Variants in TTYH1 observed in about 807,000 individuals in gnomAD.
TTYH1 encodes the protein tweety family member 1.
A neutral mutation model predicts 61.2 loss-of-function variants in TTYH1; 33 were observed. That is an observed-to-expected ratio of 0.54 (90% CI 0.41 to 0.72). The LOEUF is 0.72. Among genes scored for constraint, TTYH1 ranks in the 30% least tolerant of loss-of-function variants. The pLI is 0.00. For synonymous variants in TTYH1, 308 were observed against 266.4 expected, an observed-to-expected ratio of 1.16 and a Z score of -1.52; for missense variants, 538 against 575.8, an observed-to-expected ratio of 0.93 and a Z score of 0.67.
chr19:54,423,205 T>C (rs2122886194), intron 4 of TTYH1, among the ~76,000 whole-genome samples: 1 of 147,622 alleles, frequency 6.8e-6, no homozygotes, highest in Non-Finnish European at 1.5e-5. Flanking sequence ...ACTATTTTTT[T>C]TTTTTTTTTT....
At position 54,422,387 on chromosome 19, in the gene TTYH1, T is replaced by G. The variant is rs2083237651; in HGVS notation, c.615T>G (p.Asn205Lys). 6 of 1,568,336 alleles carry G rather than the reference T, an allele frequency of 3.8e-6. No individual in the cohort carries two copies. In the Admixed American group the frequency reaches 5.7e-5, roughly 15 times the overall value. The change falls in exon 4 of 14, where the codon AAT (asparagine) becomes AAG (lysine). Residue 205 changes from asparagine (N) to lysine (K), a missense_variant. Physicochemically the swap from Asn to Lys is moderately conservative, Grantham distance 94. Coordinates refer to ENST00000376530, the MANE Select transcript of TTYH1 (RefSeq NM_020659.4). Reference sequence around the variant, plus strand: ...TGAGCCCCCTGCAGGTGGCTGAAAATGTGTCCTTTGTGGAGGAGTACAGGT... The same window carrying G: ...TGAGCCCCCTGCAGGTGGCTGAAAAGGTGTCCTTTGTGGAGGAGTACAGGT... Reference protein sequence around the residue: ...VPLSPLQVAENVSFVEEYRWL... With the variant: ...VPLSPLQVAEKVSFVEEYRWL...
chr19:54,434,245 G>GCAGC lies in TTYH1; in HGVS notation c.1126-1285_1126-1282dup, dbSNP rs1168729261. ...CCTACCCCCGTCTGTCCTCCATGCA[G>GCAGC]CAGCCAGCCAGCCAGGTGATCCTTT... is the stretch of plus-strand genomic sequence containing the variant. On this transcript the variant is annotated intron_variant, in intron 10 of 13. Coordinates refer to ENST00000376530, the MANE Select transcript of TTYH1 (RefSeq NM_020659.4). The surrounding 1 kb of genome is among the most constrained non-coding windows in gnomAD (Gnocchi z 4.3). 1 of 152,470 alleles carries GCAGC rather than the reference G, an allele frequency of 6.6e-6. No individual in the cohort carries two copies. The highest frequency in any genetic ancestry group is 1.5e-5 in the Non-Finnish European group (1 of 68,398). The allele number at this position is 152,470 out of a possible 1,614,324, so 9.4% of individuals were successfully genotyped here.
rs908184693 is a variant in TTYH1 at position 54,429,478 on chromosome 19, T to C, written c.807+99T>C. 13 of 1,126,256 alleles carry C rather than the reference T, an allele frequency of 1.2e-5. No homozygotes were observed. The highest frequency in any genetic ancestry group is 1.1e-4 in the Admixed American group (6 of 54,866). The allele number at this position is 1,126,256 out of a possible 1,614,324, so 69.8% of individuals were successfully genotyped here. On this transcript the variant is annotated intron_variant, in intron 6 of 13. Coordinates refer to ENST00000376530, the MANE Select transcript of TTYH1 (RefSeq NM_020659.4). This position sits in a 1 kb window ranked among gnomAD's most constrained non-coding sequence, Gnocchi z 5.1. ...TGGCATGGCTTAGTAGAGAAAGGAA[T>C]TGGGGGGCACGATCACAGCTCTGAG...
chr19:54,423,828 A>C (rs1431460564), intron 4 of TTYH1, among the ~76,000 whole-genome samples: 1 of 152,144 alleles, frequency 6.6e-6, no homozygotes, highest in African/African-American at 2.4e-5. Flanking sequence ...AAACGCAGAG[A>C]AAAACATTGT....
Position 54,421,205 on chromosome 19 carries a change from G to A in TTYH1, c.306-72G>A. 1.1e-6 allele frequency: 1 copy of A among 943,344 alleles called. No homozygotes were observed. The allele number at this position is 943,344 out of a possible 1,614,324, so 58.4% of individuals were successfully genotyped here. A position where few individuals can be genotyped will look rare whatever the true frequency, so the allele number is the denominator to read the frequency against. On this transcript the variant is annotated intron_variant, in intron 2 of 13. Coordinates refer to ENST00000376530, the MANE Select transcript of TTYH1 (RefSeq NM_020659.4). The surrounding 1 kb of genome is among the most constrained non-coding windows in gnomAD (Gnocchi z 4.8). Reference sequence around the variant, plus strand: ...GATAAGAAGGCGAGGTGGAGGGGATGGGGTGGGAGGGGACGGTGGCCCCCG... The same window carrying A: ...GATAAGAAGGCGAGGTGGAGGGGATAGGGTGGGAGGGGACGGTGGCCCCCG...
chr19:54,436,309 C>T lies in TTYH1; in HGVS notation c.*43-24C>T. The T allele has an allele frequency of 6.2e-7, 1 of 1,614,078 alleles. No homozygotes were observed. Among genetic ancestry groups the T allele is most frequent in the Non-Finnish European group, 8.5e-7 (1 of 1,179,994 alleles). ...GCAGGCCCTCCAGCCTGCATCACTG[C>T]CCTGTCTCTCCCTCTCTCCGCAGTT... On this transcript the variant is annotated intron_variant, in intron 13 of 13. Transcript: ENST00000376530. The surrounding 1 kb of genome is among the most constrained non-coding windows in gnomAD (Gnocchi z 4.3).
intron 10 of TTYH1, chr19:54,431,466 T>G (rs1433918327): frequency 2.2e-6 from 1 of 461,954 alleles, no homozygotes. Context: ...ACCCTCCCCG[T>G]CCCTTCCTGC....
rs2083080425 is a variant in TTYH1 at position 54,416,481 on chromosome 19, AG to A, written c.126+804del. 2 of 296,498 alleles carry A rather than the reference AG, an allele frequency of 6.7e-6. No individual in the cohort carries two copies. Among genetic ancestry groups the A allele is most frequent in the Non-Finnish European group, 1.3e-5 (2 of 151,398 alleles). The allele number at this position is 296,498 out of a possible 1,614,324, so 18.4% of individuals were successfully genotyped here. On this transcript the variant is annotated intron_variant, in intron 1 of 13. Transcript: ENST00000376530. This position sits in a 1 kb window ranked among gnomAD's most constrained non-coding sequence, Gnocchi z 7.0. ...GTCCTTGACTTCGAGATTAATGAGGAGAAAGGCTTGGCTGAGCTGGGGACGG... is the reference window on the plus strand; with the variant it reads ...GTCCTTGACTTCGAGATTAATGAGGAAAAGGCTTGGCTGAGCTGGGGACGG...
At chr19:54,417,728 G>GCA (rs1268276611) in intron 1 of TTYH1, among the ~76,000 whole-genome samples, 1 of 151,102 alleles carries the variant, frequency 6.6e-6, no homozygotes, top group Non-Finnish European at 1.5e-5. Flanking sequence ...ACACACACAT[G>GCA]CACACACATA....
chr19:54,431,974 C>T (rs570971003), intron 10 of TTYH1: 1 of 152,232 alleles, frequency 6.6e-6, no homozygotes, highest in South Asian at 2.1e-4. Flanking sequence ...AATCCCAGCA[C>T]TTTGGGAGGC....
rs1387341206 is a variant in TTYH1 at position 54,420,136 on chromosome 19, A to G, written c.305+830A>G. 6.6e-6 allele frequency among the ~76,000 whole-genome samples: 1 copy of G among 152,130 alleles called. No homozygotes were observed. The highest frequency in any genetic ancestry group is 1.5e-5 in the Non-Finnish European group (1 of 68,018). On this transcript the variant is annotated intron_variant, in intron 2 of 13. Transcript: ENST00000376530. The surrounding 1 kb of genome is among the most constrained non-coding windows in gnomAD (Gnocchi z 4.8). ...GCGAGCTTAGGGGGCTTCCAATGTG[A>G]ACACACCAGCTACCAAGAACGAGCT...
At chr19:54,426,483 CATG>C in intron 4 of TTYH1, 187 bp from the exon 5 acceptor site, 1 of 618,188 alleles carries the variant, frequency 1.6e-6, no homozygotes. Flanking sequence ...TGTCCTGTCT[CATG>C]ATAACACTAT....
Position 54,420,716 on chromosome 19 carries a change from G to C in TTYH1, c.306-561G>C, listed in dbSNP as rs895061932. On this transcript the variant is annotated intron_variant, in intron 2 of 13. Coordinates refer to ENST00000376530, the MANE Select transcript of TTYH1 (RefSeq NM_020659.4). This position sits in a 1 kb window ranked among gnomAD's most constrained non-coding sequence, Gnocchi z 4.8. The stretch of plus-strand genomic sequence containing the variant: ...CTGGCCCGACGCTTGGGTCCCGGGT[G>C]GGGGAAGGCCGAGAGCTCCAGGCTC... 4 of 168,322 alleles carry C rather than the reference G, an allele frequency of 2.4e-5. No individual in the cohort carries two copies. The highest frequency in any genetic ancestry group is 4.8e-5 in the African/African-American group (2 of 41,442). 10.4% of individuals were successfully genotyped at this position (168,322 alleles called of 1,614,324 possible). A position where few individuals can be genotyped will look rare whatever the true frequency, so the allele number is the denominator to read the frequency against.
In TTYH1 at chr19:54,435,568, G is replaced by C; in HGVS notation, c.1152G>C (p.Leu384=). 1 of 1,608,050 alleles carries C rather than the reference G, an allele frequency of 6.2e-7. No homozygotes were observed. Among genetic ancestry groups the C allele is most frequent in the Non-Finnish European group, 8.5e-7 (1 of 1,178,772 alleles). Residue 384 remains leucine, a synonymous_variant, in exon 11 of 14, where the codon CTG becomes CTC. Transcript: ENST00000376530. ...ACTATGGTGCAGCCCTGCGGGGCCT[G>C]TGCGAAGACGCCCTGGAAGGCCTGC... The part of the protein sequence containing the change: ...HKDYGAALRG[L]CEDALEGLLF...
chr19:54,432,558 T>G (rs1442084620), intron 10 of TTYH1: 1 of 152,080 alleles, frequency 6.6e-6, no homozygotes, highest in Non-Finnish European at 1.5e-5. Flanking sequence ...CCCAGTTTTG[T>G]CCTTTCTGCT....
chr19:54,417,224 A>G (rs1184563844), intron 1 of TTYH1, among the ~76,000 whole-genome samples: 1 of 150,828 alleles, frequency 6.6e-6, no homozygotes, highest in Non-Finnish European at 1.5e-5. Context: ...ACGCCCACTT[A>G]TTCCAACACA....
chr19:54,416,859 C>A lies in TTYH1; in HGVS notation c.126+1181C>A, dbSNP rs1324408522. ...GCTCCGGCCTCGGCCCAGACTCACG[C>A]CCGCTCTGGCCCGGAGACCTCCCGA... On this transcript the variant is annotated intron_variant, in intron 1 of 13. Coordinates refer to ENST00000376530, the MANE Select transcript of TTYH1 (RefSeq NM_020659.4). This position sits in a 1 kb window ranked among gnomAD's most constrained non-coding sequence, Gnocchi z 7.0. 6 of 1,292,392 alleles carry A rather than the reference C, an allele frequency of 4.6e-6. No individual in the cohort carries two copies. The highest frequency in any genetic ancestry group is 6.1e-6 in the Non-Finnish European group (6 of 988,346). 80.1% of individuals were successfully genotyped at this position (1,292,392 alleles called of 1,614,324 possible).
Position 54,416,593 on chromosome 19 carries a change from T to G in TTYH1, c.126+915T>G. Reference sequence around the variant, plus strand: ...CTGAGCCCCTGGGCTCCGTCTTGGGTTGCTCCTGGGAGAAGGGGGCTGGGA... The same window carrying G: ...CTGAGCCCCTGGGCTCCGTCTTGGGGTGCTCCTGGGAGAAGGGGGCTGGGA... On this transcript the variant is annotated intron_variant, in intron 1 of 13. Transcript: ENST00000376530. This position sits in a 1 kb window ranked among gnomAD's most constrained non-coding sequence, Gnocchi z 7.0. 2.2e-6 allele frequency: 1 copy of G among 459,210 alleles called. No individual in the cohort carries two copies. 28.4% of individuals were successfully genotyped at this position (459,210 alleles called of 1,614,324 possible).
At chr19:54,426,325 G>A (rs927942438) in intron 4 of TTYH1, 4 of 284,536 alleles carry the variant, frequency 1.4e-5, no homozygotes, top group Non-Finnish European at 2.7e-5. Flanking sequence ...GCAGTCTTGA[G>A]AACGAGTATC....
Sources: gnomAD v4.1 joint callset for allele counts (sites outside exome capture counted in the v4.1 genomes callset) on GRCh38, gnomAD v4.1.1 for gene constraint, Gnocchi (gnomAD v3.1) non-coding constraint, MANE v1.5 for transcripts, NCBI Gene and HGNC (gene_info 2026-07-23, HGNC 2026-07-21) for gene names.